INSYN2B: variants seen among roughly 807,000 people sequenced by gnomAD.
INSYN2B encodes protein INSYN2B.
Under a neutral mutation model 41.2 loss-of-function variants are expected in INSYN2B, and 16 were observed. The observed-to-expected ratio is 0.39, with a 90% CI of 0.26 to 0.59. INSYN2B has a LOEUF of 0.59. Ranked by LOEUF, INSYN2B falls within the 20% of genes least tolerant of loss-of-function variation. The pLI, the probability that INSYN2B is intolerant of heterozygous loss-of-function variation, is 0.57. For missense variants in INSYN2B, 608 were observed against 646.4 expected, an observed-to-expected ratio of 0.94 and a Z score of 0.64; for synonymous variants, 245 against 244.4, an observed-to-expected ratio of 1.00 and a Z score of -0.02.
At chr5:169,949,979 G>C (rs1284912666) in intron 1 of INSYN2B, among the ~76,000 whole-genome samples, 1 of 152,142 alleles carries the variant, frequency 6.6e-6, no homozygotes, top group Non-Finnish European at 1.5e-5. Context: ...ACATTTACCA[G>C]AAAAACACAA....
chr5:169,945,337 T>C (rs1181251185), intron 1 of INSYN2B, among the ~76,000 whole-genome samples: 2 of 152,246 alleles, frequency 1.3e-5, no homozygotes, highest in Non-Finnish European at 2.9e-5. Context: ...AGAAGACATA[T>C]ATAATTTTGG....
intron 1 of INSYN2B, among the ~76,000 whole-genome samples, chr5:169,942,362 G>A (rs1378232820): frequency 7.2e-5 from 11 of 152,202 alleles, no homozygotes; most frequent in Non-Finnish European, 1.0e-4. Flanking sequence ...TGGGTAGGAG[G>A]AGAAATATGT....
chr5:169,936,319 G>A (rs1162664097), intron 1 of INSYN2B, among the ~76,000 whole-genome samples: 1 of 152,146 alleles, frequency 6.6e-6, no homozygotes, highest in Non-Finnish European at 1.5e-5. Flanking sequence ...AGGGCAGTGG[G>A]TTCCTAGGGC....
In INSYN2B at chr5:169,935,779, C is replaced by T. The variant is rs554247269; in HGVS notation, c.-919+44498G>A. 1.4e-4 allele frequency among the ~76,000 whole-genome samples: 22 copies of T among 152,112 alleles called. No individual in the cohort carries two copies. The South Asian group carries it at 1.7e-3, about 11-fold the overall frequency. On this transcript the variant is annotated intron_variant, in intron 1 of 3. Transcript: ENST00000377365. ...CACTGACTTCATAGGAGAAAAAACG[C>T]GTTGTGTAAAAATATAAAAAATCAG...
At chr5:169,947,075 C>A (rs764427559) in intron 1 of INSYN2B, among the ~76,000 whole-genome samples, 2 of 152,170 alleles carry the variant, frequency 1.3e-5, no homozygotes, top group Non-Finnish European at 2.9e-5. Context: ...CTGCAACATA[C>A]GTTTATCTTT....
At chr5:169,882,030 G>A (rs753106231) in intron 2 of INSYN2B, among the ~76,000 whole-genome samples, 1 of 152,178 alleles carries the variant, frequency 6.6e-6, no homozygotes, top group Non-Finnish European at 1.5e-5. Context: ...AAAATGAATT[G>A]TGATCTCATT....
rs1773206918 is a variant in INSYN2B, at chr5:169,890,253, G to A, written c.-918-5437C>T. Among the ~76,000 whole-genome samples the A allele has an allele frequency of 1.3e-5, 2 of 152,208 alleles. 1 individual carries two copies. The highest frequency in any genetic ancestry group is 4.1e-4 in the South Asian group (2 of 4,828). ...CAGTTACAGGATGCATTTCTAAAGT[G>A]TAGGGATATGTCTTCCACTCTTTTT... is the stretch of plus-strand genomic sequence containing the variant. On this transcript the variant is annotated intron_variant, in intron 1 of 3. Coordinates refer to ENST00000377365, the MANE Select transcript of INSYN2B (RefSeq NM_001129891.3).
At position 169,867,168 on chromosome 5, in the gene INSYN2B, C is replaced by T. The variant is rs150800766; in HGVS notation, c.1422-2709G>A. ...ATGAAGAGATGTGTGGGGGCTTCAG[C>T]CCCTGTGTAGCACTCATTCCTCCAG... is the stretch of plus-strand genomic sequence containing the variant. On this transcript the variant is annotated intron_variant, in intron 3 of 3. Coordinates refer to ENST00000377365, the MANE Select transcript of INSYN2B (RefSeq NM_001129891.3). Among the ~76,000 whole-genome samples, 611 of 152,344 alleles carry T rather than the reference C, an allele frequency of 4.0e-3. 4 individuals carry two copies. Among genetic ancestry groups the T allele is most frequent in the African/African-American group, 0.014 (575 of 41,584 alleles).
intron 1 of INSYN2B, among the ~76,000 whole-genome samples, chr5:169,899,266 C>T (rs1007226044): frequency 2.0e-5 from 3 of 152,162 alleles, no homozygotes; most frequent in Non-Finnish European, 4.4e-5. Flanking sequence ...GACAGTATGG[C>T]TCATTAGGAA....
chr5:169,896,305 C>T (rs1198763936), intron 1 of INSYN2B, among the ~76,000 whole-genome samples: 1 of 152,118 alleles, frequency 6.6e-6, no homozygotes, highest in African/African-American at 2.4e-5. Flanking sequence ...CCTTAAATCC[C>T]ATGTGGAGTG....
At chr5:169,891,370 G>A (rs1773270223) in intron 1 of INSYN2B, among the ~76,000 whole-genome samples, 1 of 152,158 alleles carries the variant, frequency 6.6e-6, no homozygotes, top group Admixed American at 6.5e-5. Context: ...AATGAATAGA[G>A]TAAATTCTTA....
At chr5:169,872,790 T>C (rs921684337) in intron 3 of INSYN2B, among the ~76,000 whole-genome samples, 1 of 152,208 alleles carries the variant, frequency 6.6e-6, no homozygotes, top group Admixed American at 6.5e-5. Flanking sequence ...GACCTAGTTT[T>C]GAGCCCTGGC....
At chr5:169,928,392 C>T (rs772310245) in intron 1 of INSYN2B, among the ~76,000 whole-genome samples, 9 of 152,262 alleles carry the variant, frequency 5.9e-5, no homozygotes, top group African/African-American at 2.2e-4. Context: ...GTTTGCACTG[C>T]TCTGCCCCAG....
intron 3 of INSYN2B, among the ~76,000 whole-genome samples, chr5:169,865,916 G>A (rs1186015307): frequency 1.3e-5 from 2 of 152,338 alleles, no homozygotes; most frequent in Non-Finnish European, 1.5e-5. Flanking sequence ...CCGGGGACCC[G>A]AGTTCATGCT....
intron 1 of INSYN2B, among the ~76,000 whole-genome samples, chr5:169,895,411 G>A (rs974158681): frequency 2.0e-5 from 3 of 152,082 alleles, no homozygotes; most frequent in African/African-American, 7.2e-5. Flanking sequence ...ACTGAGCTGG[G>A]TGGAGAACTT....
At chr5:169,914,649 C>A (rs1012708628) in intron 1 of INSYN2B, among the ~76,000 whole-genome samples, 3 of 152,180 alleles carry the variant, frequency 2.0e-5, no homozygotes, top group African/African-American at 7.2e-5. Flanking sequence ...AGAAAACAAC[C>A]TGGATTTCTG....
chr5:169,881,689 A>C lies in INSYN2B; in HGVS notation c.1347-247T>G, dbSNP rs555950987. On this transcript the variant is annotated intron_variant, in intron 2 of 3. Coordinates refer to ENST00000377365, the MANE Select transcript of INSYN2B (RefSeq NM_001129891.3). ...ATGCTGACAACAATCCTGTTGTGAG[A>C]TGAGGGATTCTGCAGGTGAGTGGAA... Among the ~76,000 whole-genome samples, 6 of 152,296 alleles carry C rather than the reference A, an allele frequency of 3.9e-5. No individual in the cohort carries two copies. In the South Asian group the frequency reaches 1.2e-3, roughly 32 times the overall value.
In INSYN2B at chr5:169,863,770, G is replaced by C. The variant is rs1771355644; in HGVS notation, c.*503C>G. On this transcript the variant is annotated 3_prime_UTR_variant, in exon 4 of 4. Transcript: ENST00000377365. ...ATTTTATGCCCTGCCCACTTCTCTTGTGCTTATTATGTATGCTGATATCTT... is the reference window on the plus strand; with the variant it reads ...ATTTTATGCCCTGCCCACTTCTCTTCTGCTTATTATGTATGCTGATATCTT... Among the ~76,000 whole-genome samples the C allele has an allele frequency of 1.3e-5, 2 of 152,204 alleles. No homozygotes were observed. The highest frequency in any genetic ancestry group is 2.9e-5 in the Non-Finnish European group (2 of 68,046).
At chr5:169,978,925 A>G (rs1241217739) in intron 1 of INSYN2B, among the ~76,000 whole-genome samples, 1 of 152,174 alleles carries the variant, frequency 6.6e-6, no homozygotes, top group Admixed American at 6.5e-5. Flanking sequence ...GCGAGGTGAC[A>G]CTGTCTGGTT....
Sources: gnomAD v4.1 joint callset for allele counts (sites outside exome capture counted in the v4.1 genomes callset) on GRCh38, gnomAD v4.1.1 for gene constraint, MANE v1.5 for transcripts, NCBI Gene and HGNC (gene_info 2026-07-23, HGNC 2026-07-21) for gene names.